Variants in GTF2A1L observed in about 807,000 individuals in gnomAD.
GTF2A1L encodes TFIIA-alpha and beta-like factor.
GTF2A1L carries 48 observed loss-of-function variants against 49.7 expected under a neutral mutation model. The ratio of observed to expected loss-of-function variants is 0.97; its 90% CI spans 0.77 to 1.23. The LOEUF (loss-of-function observed/expected upper bound fraction) is 1.23. Ranked by LOEUF, GTF2A1L falls within the 50% of genes most tolerant of loss-of-function variation. GTF2A1L has a pLI of 0.00. For missense variants in GTF2A1L, 736 were observed against 564.8 expected (o/e 1.30, Z -3.07); for synonymous variants, 246 against 193.5 (o/e 1.27, Z -2.25).
rs897006994 is a variant in GTF2A1L, at chr2:48,628,260, C to G, written c.247+6970C>G. ...ATAGCCAATAATGGGATTGCTGGGT[C>G]AAATGGTAGTTCTATTTTAAGTTCT... On this transcript the variant is annotated intron_variant, in intron 3 of 8. Transcript: ENST00000403751. Among the ~76,000 whole-genome samples, 5 of 143,994 alleles carry G rather than the reference C, an allele frequency of 3.5e-5. 1 individual carries two copies. The East Asian group carries it at 7.8e-4, about 23-fold the overall frequency. The allele number at this position is 143,994 out of a possible 152,430, so 94.5% of individuals were successfully genotyped here. A position where few individuals can be genotyped will look rare whatever the true frequency, so the allele number is the denominator to read the frequency against.
intron 1 of GTF2A1L, among the ~76,000 whole-genome samples, chr2:48,619,708 A>T (rs1219010749): frequency 3.3e-5 from 5 of 152,140 alleles, no homozygotes. Context: ...CTAAGTCAGT[A>T]TTGTCAGCAC....
At chr2:48,663,731 C>T (rs186950922) in intron 6 of GTF2A1L, among the ~76,000 whole-genome samples, 34 of 152,148 alleles carry the variant, frequency 2.2e-4, no homozygotes, top group African/African-American at 7.2e-4. Flanking sequence ...CCCTGATCTC[C>T]CAGGCTCAAG....
At chr2:48,673,364 T>G (rs1183002447) in intron 8 of GTF2A1L, among the ~76,000 whole-genome samples, 1 of 144,348 alleles carries the variant, frequency 6.9e-6, no homozygotes, top group Non-Finnish European at 1.5e-5. Context: ...GGAAACTTTT[T>G]TTTTTTTTTT....
At chr2:48,619,831 C>A (rs1002685367) in intron 1 of GTF2A1L, among the ~76,000 whole-genome samples, 12 of 152,122 alleles carry the variant, frequency 7.9e-5, no homozygotes, top group African/African-American at 2.9e-4. Flanking sequence ...GGGTAGAAAT[C>A]TGCTTAATTT....
chr2:48,642,541 T>A (rs1219892032), intron 4 of GTF2A1L, 84 bp downstream of exon 4: 3 of 1,297,748 alleles, frequency 2.3e-6, no homozygotes, highest in African/African-American at 1.5e-5. Context: ...TAGATGTAAT[T>A]TCTTACCCTC....
At chr2:48,673,855 G>T (rs1244202818) in intron 8 of GTF2A1L, among the ~76,000 whole-genome samples, 1 of 152,118 alleles carries the variant, frequency 6.6e-6, no homozygotes, top group Non-Finnish European at 1.5e-5. Flanking sequence ...TGTGTATAGG[G>T]TAGGGACCTC....
rs140731829 is a variant in GTF2A1L at position 48,635,612 on chromosome 2, A to G, written c.248-6790A>G. Among the ~76,000 whole-genome samples, 1,115 of 152,198 alleles carry G rather than the reference A, an allele frequency of 7.3e-3. 6 individuals carry two copies. The highest frequency in any genetic ancestry group is 0.013 in the Non-Finnish European group (851 of 67,994). On this transcript the variant is annotated intron_variant, in intron 3 of 8. Coordinates refer to ENST00000403751, the MANE Select transcript of GTF2A1L (RefSeq NM_006872.5). ...GCTCTCCTCCCACTCCAGGCTTGCA[A>G]TAGGGAAGAGTATAATTCCAATACC... is the stretch of plus-strand genomic sequence containing the variant.
intron 6 of GTF2A1L, among the ~76,000 whole-genome samples, chr2:48,648,491 G>A (rs1287882515): frequency 3.9e-5 from 6 of 151,982 alleles, no homozygotes; most frequent in Non-Finnish European, 8.8e-5. Flanking sequence ...ATTAGTTAAG[G>A]GATATTAATC....
chr2:48,669,078 G>A (rs1374770732), intron 6 of GTF2A1L, among the ~76,000 whole-genome samples: 1 of 152,000 alleles, frequency 6.6e-6, no homozygotes, highest in Non-Finnish European at 1.5e-5. Context: ...CATTTCAGTG[G>A]TACTAAGTAC....
chr2:48,675,532 A>G (rs1043265159), intron 8 of GTF2A1L, among the ~76,000 whole-genome samples: 1 of 152,086 alleles, frequency 6.6e-6, no homozygotes, highest in African/African-American at 2.4e-5. Flanking sequence ...GGTGAGAATT[A>G]GTTAAATGGT....
In GTF2A1L at chr2:48,620,862, C is replaced by T; in HGVS notation, c.33C>T (p.Tyr11=). The T allele has an allele frequency of 7.0e-6, 11 of 1,571,972 alleles. No individual in the cohort carries two copies. Among genetic ancestry groups the T allele is most frequent in the Non-Finnish European group, 8.6e-6 (10 of 1,160,568 alleles). Residue 11 remains tyrosine (Y), a synonymous_variant, in exon 2 of 9, where the codon TAC becomes TAT. Transcript: ENST00000403751. MACLNPVPKL[Y]RSVIEDVIEG... ...TTGCTTTTATGTAGCCTAAACTCTA[C>T]AGATCTGTAATTGAAGATGTAATTG...
At chr2:48,669,545 CTA>C (rs1420339315) in intron 6 of GTF2A1L, among the ~76,000 whole-genome samples, 175 bp from the exon 7 acceptor site, 1 of 152,024 alleles carries the variant, frequency 6.6e-6, no homozygotes, top group Non-Finnish European at 1.5e-5. Context: ...AAAATTATTC[CTA>C]TGTTACATAG....
Position 48,620,779 on chromosome 2 carries a change from GAATAAATAAATAAATAAATA to G in GTF2A1L, c.22-49_22-30del, listed in dbSNP as rs4034706. 1.3e-5 allele frequency: 8 copies of G among 609,504 alleles called. 1 individual carries two copies. The South Asian group carries it at 3.5e-4, about 26-fold the overall frequency. The allele number at this position is 609,504 out of a possible 1,614,324, so 37.8% of individuals were successfully genotyped here. On this transcript the variant is annotated intron_variant, in intron 1 of 8. Transcript: ENST00000403751. ...GCAACAGAGCATGACTCCATCTCAA[GAATAAATAAATAAATAAATA>G]AATAAATAAATAAATAAATAAAATG...
intron 8 of GTF2A1L, 26 bp from the exon 9 acceptor site, chr2:48,679,309 A>G: frequency 6.3e-7 from 1 of 1,599,936 alleles, no homozygotes; most frequent in Non-Finnish European, 8.5e-7. Context: ...AAAATTAATT[A>G]ATGTAAACTA....
chr2:48,623,925 G>A (rs1374836110), intron 3 of GTF2A1L, among the ~76,000 whole-genome samples: 3 of 152,142 alleles, frequency 2.0e-5, no homozygotes, highest in Non-Finnish European at 2.9e-5. Context: ...AGAGAAGGGG[G>A]CAAGGGTTGA....
intron 6 of GTF2A1L, among the ~76,000 whole-genome samples, chr2:48,660,495 G>A (rs1678429515): frequency 1.3e-5 from 2 of 151,998 alleles, no homozygotes; most frequent in Non-Finnish European, 2.9e-5. Context: ...TTCTGGTTCA[G>A]TCTAGATTGC....
rs146120803 is a variant in GTF2A1L at position 48,675,170 on chromosome 2, G to A, written c.1329+3490G>A. On this transcript the variant is annotated intron_variant, in intron 8 of 8. Transcript: ENST00000403751. The stretch of plus-strand genomic sequence containing the variant: ...TCTTTTAGAGCTTTACTAATTCAGT[G>A]TGTTTTATGGGCTTAGCACGCTTTT... 2.6e-5 allele frequency among the ~76,000 whole-genome samples: 4 copies of A among 152,238 alleles called. No homozygotes were observed. In the East Asian group the frequency reaches 7.7e-4, roughly 29 times the overall value.
intron 6 of GTF2A1L, among the ~76,000 whole-genome samples, chr2:48,651,669 A>G (rs899306748): frequency 2.0e-5 from 3 of 152,194 alleles, no homozygotes; most frequent in African/African-American, 7.2e-5. Flanking sequence ...AAACTCAAAT[A>G]TATTAGAGCC....
chr2:48,632,874 C>T, intron 3 of GTF2A1L: 1 of 237,532 alleles, frequency 4.2e-6, no homozygotes, highest in Non-Finnish European at 8.4e-6. Context: ...ATTTCTAAAC[C>T]ATCTTTAAAG....
Sources: allele counts gnomAD v4.1 joint callset (sites outside exome capture counted in the v4.1 genomes callset), GRCh38; gene constraint gnomAD v4.1.1; transcripts MANE v1.5; gene names NCBI Gene and HGNC (gene_info 2026-07-23, HGNC 2026-07-21).